Variants in FCHSD2 observed in about 807,000 individuals in gnomAD.
FCHSD2 encodes F-BAR and double SH3 domains protein 2.
FCHSD2 carries 38 observed loss-of-function variants against 108.1 expected under a neutral mutation model. The observed-to-expected ratio is 0.35, with a 90% CI of 0.27 to 0.46. FCHSD2 has a LOEUF of 0.46. Ranked by LOEUF, FCHSD2 falls within the 20% of genes least tolerant of loss-of-function variation. The probability of loss-of-function intolerance (pLI) is 1.00; values close to 1 mark genes in which losing one functional copy is unlikely to be tolerated. For synonymous variants in FCHSD2, 279 were observed against 314.7 expected (o/e 0.89, Z 1.20); for missense variants, 751 against 897.8 (o/e 0.84, Z 2.09).
intron 3 of FCHSD2, among the ~76,000 whole-genome samples, chr11:73,063,870 A>C (rs1859227221): frequency 6.6e-6 from 1 of 152,162 alleles, no homozygotes; most frequent in African/African-American, 2.4e-5. Context: ...TGTCAATATT[A>C]AACAGATTAA....
At chr11:73,058,211 ATT>A (rs1859076804) in intron 3 of FCHSD2, among the ~76,000 whole-genome samples, 1 of 152,206 alleles carries the variant, frequency 6.6e-6, no homozygotes, top group East Asian at 1.9e-4. Context: ...TTGGACCATT[ATT>A]GTTTTATGTC....
intron 3 of FCHSD2, among the ~76,000 whole-genome samples, chr11:73,064,901 G>T (rs746266455): frequency 6.6e-6 from 1 of 152,128 alleles, no homozygotes; most frequent in Admixed American, 6.5e-5. Context: ...GGACCAGACC[G>T]ATTCACAGCC....
At chr11:73,133,254 C>T (rs1312994577) in intron 2 of FCHSD2, among the ~76,000 whole-genome samples, 1 of 152,188 alleles carries the variant, frequency 6.6e-6, no homozygotes, top group Non-Finnish European at 1.5e-5. Flanking sequence ...ATGACCCAGA[C>T]ATTCCATTTT....
chr11:73,004,602 T>C (rs929292326), intron 4 of FCHSD2, among the ~76,000 whole-genome samples: 2 of 152,356 alleles, frequency 1.3e-5, no homozygotes, highest in Non-Finnish European at 1.5e-5. Flanking sequence ...CACTCCCTTA[T>C]GTATGCCCTT....
intron 4 of FCHSD2, among the ~76,000 whole-genome samples, chr11:73,013,052 G>A (rs773759758): frequency 3.3e-5 from 5 of 152,106 alleles, no homozygotes; most frequent in Non-Finnish European, 7.4e-5. Context: ...AAGTAAAGAT[G>A]ATAATATGAT....
intron 10 of FCHSD2, 141 bp from the exon 11 acceptor site, chr11:72,890,086 T>A (rs1855282854): frequency 1.7e-6 from 1 of 597,556 alleles, no homozygotes; most frequent in African/African-American, 1.9e-5. Flanking sequence ...AAGCAATGTC[T>A]TAACGTCACA....
At chr11:72,872,286 C>T (rs182575915) in intron 12 of FCHSD2, among the ~76,000 whole-genome samples, 4 of 132,214 alleles carry the variant, frequency 3.0e-5, no homozygotes, top group Non-Finnish European at 6.4e-5. Flanking sequence ...TTTTTCTTTT[C>T]TTTTTTTTTT....
At chr11:72,964,474 C>T (rs1243639231) in intron 8 of FCHSD2, among the ~76,000 whole-genome samples, 1 of 152,220 alleles carries the variant, frequency 6.6e-6, no homozygotes, top group Non-Finnish European at 1.5e-5. Context: ...TACTACCACA[C>T]TGTGTACATG....
At chr11:73,103,709 G>GAAAAAAGAAATGCA (rs1232531266) in intron 2 of FCHSD2, among the ~76,000 whole-genome samples, 1 of 151,806 alleles carries the variant, frequency 6.6e-6, no homozygotes, top group African/African-American at 2.4e-5. Flanking sequence ...GTACTTTCAA[G>GAAAAAAGAAATGCA]AAAAAAGAAA....
chr11:72,859,495 A>G (rs1861514600), intron 13 of FCHSD2, among the ~76,000 whole-genome samples: 1 of 152,174 alleles, frequency 6.6e-6, no homozygotes, highest in African/African-American at 2.4e-5. Context: ...ATTACTAGTT[A>G]GTGTTGTTAA....
intron 3 of FCHSD2, among the ~76,000 whole-genome samples, chr11:73,053,355 A>C (rs1383748615): frequency 6.6e-6 from 1 of 152,174 alleles, no homozygotes; most frequent in East Asian, 1.9e-4. Flanking sequence ...GTAATTCCAC[A>C]GGATAAATTA....
chr11:73,026,088 C>T (rs1858223485), intron 3 of FCHSD2, among the ~76,000 whole-genome samples: 1 of 152,112 alleles, frequency 6.6e-6, no homozygotes, highest in Admixed American at 6.6e-5. Context: ...ATCCTCCCAT[C>T]TCAGACTCTA....
intron 3 of FCHSD2, among the ~76,000 whole-genome samples, chr11:73,060,692 A>G (rs1192801449): frequency 6.6e-6 from 1 of 152,240 alleles, no homozygotes; most frequent in Non-Finnish European, 1.5e-5. Context: ...AAACTATAAG[A>G]CAAAAATGGG....
At chr11:72,840,557 A>C (rs1860891334) in intron 19 of FCHSD2, among the ~76,000 whole-genome samples, 1 of 152,208 alleles carries the variant, frequency 6.6e-6, no homozygotes, top group East Asian at 1.9e-4. Flanking sequence ...TGGAAAATTA[A>C]ATGCTTACTG....
chr11:72,959,726 C>G lies in FCHSD2; in HGVS notation c.705+24362G>C, dbSNP rs147861164. Among the ~76,000 whole-genome samples, 433 of 152,188 alleles carry G rather than the reference C, an allele frequency of 2.8e-3. 2 individuals are homozygous for G. The highest frequency in any genetic ancestry group is 0.01 in the African/African-American group (420 of 41,524). On this transcript the variant is annotated intron_variant, in intron 8 of 19. Transcript: ENST00000409418. ...CTTTCTATGTGTTTACTGAAAGGAG[C>G]AATAGAAGTATTTAATATTAAATGT... is the stretch of plus-strand genomic sequence containing the variant.
chr11:73,079,246 G>T (rs181978805), intron 3 of FCHSD2, among the ~76,000 whole-genome samples: 120 of 151,538 alleles, frequency 7.9e-4, no homozygotes, highest in Non-Finnish European at 1.3e-3. Context: ...GCCCAGGCTG[G>T]AGTGTGGTGG....
rs1327844816 is a variant in FCHSD2 at position 73,142,313 on chromosome 11, C to G, written c.-436G>C. ...CCCCACCCACTCAGGCGGCCCGGCCCTCGCTGGGCCTAACGCCCCCGCCCG... is the reference window on the plus strand; with the variant it reads ...CCCCACCCACTCAGGCGGCCCGGCCGTCGCTGGGCCTAACGCCCCCGCCCG... On this transcript the variant is annotated 5_prime_UTR_variant, in exon 1 of 20. Transcript: ENST00000409418. 1.3e-5 allele frequency: 2 copies of G among 151,592 alleles called. No individual in the cohort carries two copies. Among genetic ancestry groups the G allele is most frequent in the Non-Finnish European group, 2.9e-5 (2 of 67,850 alleles). The allele number at this position is 151,592 out of a possible 1,614,324, so 9.4% of individuals were successfully genotyped here.
chr11:72,945,302 G>T (rs1372707232), intron 8 of FCHSD2, among the ~76,000 whole-genome samples: 2 of 152,190 alleles, frequency 1.3e-5, no homozygotes, highest in East Asian at 3.8e-4. Flanking sequence ...ATGGGGAAAC[G>T]ATTCCCTATT....
intron 7 of FCHSD2, among the ~76,000 whole-genome samples, chr11:72,984,501 A>C (rs1857275417): frequency 6.6e-6 from 1 of 152,226 alleles, no homozygotes; most frequent in Middle Eastern, 3.2e-3. Flanking sequence ...CAAATGACTA[A>C]ATAAAGGTTC....
Sources: allele counts gnomAD v4.1 joint callset (sites outside exome capture counted in the v4.1 genomes callset), GRCh38; gene constraint gnomAD v4.1.1; transcripts MANE v1.5; gene names NCBI Gene and HGNC (gene_info 2026-07-23, HGNC 2026-07-21).